Variants in PLD5 observed in about 807,000 individuals in gnomAD.
PLD5 encodes phospholipase D family member 5.
A neutral mutation model predicts 61.1 loss-of-function variants in PLD5; 36 were observed. That is an observed-to-expected ratio of 0.59 (90% CI 0.45 to 0.78). The LOEUF is 0.78. PLD5 is among the 30% of genes least tolerant of loss of function. The pLI is 0.00. For synonymous variants in PLD5, 243 were observed against 242.8 expected (o/e 1.00, Z -0.01); for missense variants, 515 against 644.4 (o/e 0.80, Z 2.17).
chr1:242,469,424 C>A (rs1667373250), intron 1 of PLD5, among the ~76,000 whole-genome samples: 2 of 152,120 alleles, frequency 1.3e-5, no homozygotes. Flanking sequence ...TATTTATTGT[C>A]CACTTGTATT....
intron 4 of PLD5, among the ~76,000 whole-genome samples, chr1:242,253,305 CT>C (rs1181235404): frequency 0.46 from 32,468 of 70,594 alleles, 7,536 homozygotes; most frequent in South Asian, 0.63. Flanking sequence ...CCTCTCTTCA[CT>C]TTTTTTTTTT....
At chr1:242,216,941 A>G (rs1414320509) in intron 5 of PLD5, among the ~76,000 whole-genome samples, 1 of 152,232 alleles carries the variant, frequency 6.6e-6, no homozygotes. Flanking sequence ...ACCCTTAAGA[A>G]TTATGCTAAA....
intron 1 of PLD5, among the ~76,000 whole-genome samples, chr1:242,430,590 C>T (rs1665664543): frequency 6.6e-6 from 1 of 152,156 alleles, no homozygotes; most frequent in African/African-American, 2.4e-5. Context: ...TGCCATCCAC[C>T]CCTTACTCCT....
intron 5 of PLD5, among the ~76,000 whole-genome samples, chr1:242,170,447 G>A (rs1482730824): frequency 6.6e-6 from 1 of 152,144 alleles, no homozygotes; most frequent in African/African-American, 2.4e-5. Flanking sequence ...CATGAAGATG[G>A]GGAGAAACCA....
At chr1:242,380,072 A>G (rs1443648790) in intron 1 of PLD5, among the ~76,000 whole-genome samples, 1 of 152,222 alleles carries the variant, frequency 6.6e-6, no homozygotes, top group African/African-American at 2.4e-5. Flanking sequence ...TTAGAATACC[A>G]GGGCATTTGG....
chr1:242,259,045 C>G (rs1485397416), intron 4 of PLD5, among the ~76,000 whole-genome samples: 4 of 152,114 alleles, frequency 2.6e-5, no homozygotes, highest in Admixed American at 6.5e-5. Context: ...AGTCAAGAAG[C>G]AATTGTTGGA....
intron 5 of PLD5, chr1:242,210,783 C>T (rs568280854): frequency 6.6e-6 from 1 of 152,206 alleles, no homozygotes; most frequent in African/African-American, 2.4e-5. Context: ...TCTTTTTGGA[C>T]TCAGCCTGCC....
chr1:242,089,338 AG>A lies in PLD5; in HGVS notation c.*515del. The A allele has an allele frequency of 2.5e-6, 1 of 400,296 alleles. No individual in the cohort carries two copies. The highest frequency in any genetic ancestry group is 4.4e-6 in the Non-Finnish European group (1 of 227,226). 24.8% of individuals were successfully genotyped at this position (400,296 alleles called of 1,614,324 possible). A position where few individuals can be genotyped will look rare whatever the true frequency, so the allele number is the denominator to read the frequency against. On this transcript the variant is annotated 3_prime_UTR_variant, in exon 10 of 10. Coordinates refer to ENST00000536534, the MANE Select transcript of PLD5 (RefSeq NM_001372062.1). The stretch of plus-strand genomic sequence containing the variant: ...GCAAGACAGAAAAGGATATTTTTCA[AG>A]GGTGTTGAAGGCTGGCATGAGATGT...
intron 5 of PLD5, among the ~76,000 whole-genome samples, chr1:242,136,497 T>C (rs532729478): frequency 1.4e-4 from 21 of 152,256 alleles, no homozygotes; most frequent in Middle Eastern, 3.4e-3. Context: ...GTTTGAGAAA[T>C]TGATATTCTA....
At chr1:242,250,107 CTGATTT>C (rs1672617825) in intron 4 of PLD5, among the ~76,000 whole-genome samples, 1 of 152,154 alleles carries the variant, frequency 6.6e-6, no homozygotes, top group South Asian at 2.1e-4. Context: ...TCTAAATCTC[CTGATTT>C]TAAATTCAGT....
intron 9 of PLD5, among the ~76,000 whole-genome samples, chr1:242,097,185 T>C (rs1293785362): frequency 6.6e-6 from 1 of 152,218 alleles, no homozygotes; most frequent in Non-Finnish European, 1.5e-5. Context: ...GTCTTTGCTA[T>C]TGTGAATAGT....
intron 1 of PLD5, among the ~76,000 whole-genome samples, chr1:242,435,435 A>C (rs1665946915): frequency 1.3e-5 from 2 of 149,350 alleles, no homozygotes; most frequent in Admixed American, 6.6e-5. Context: ...ACTGTTTAAA[A>C]TGCCCCCCAG....
chr1:242,473,184 C>T (rs182943066), intron 1 of PLD5, among the ~76,000 whole-genome samples: 3 of 152,114 alleles, frequency 2.0e-5, no homozygotes, highest in Admixed American at 6.5e-5. Context: ...AGTTCCCAAA[C>T]CTAGATTTAA....
At chr1:242,522,489 C>A (rs1242131692) in intron 1 of PLD5, among the ~76,000 whole-genome samples, 2 of 152,218 alleles carry the variant, frequency 1.3e-5, no homozygotes, top group Non-Finnish European at 2.9e-5. Context: ...TAGAAGGCTG[C>A]ACCACTGATT....
intron 1 of PLD5, among the ~76,000 whole-genome samples, chr1:242,382,881 T>C (rs1275462018): frequency 6.6e-6 from 1 of 152,228 alleles, no homozygotes; most frequent in Non-Finnish European, 1.5e-5. Flanking sequence ...AGGTTTTACA[T>C]CTCTTCTGTT....
intron 2 of PLD5, among the ~76,000 whole-genome samples, chr1:242,304,870 G>A (rs1574700582): frequency 6.6e-6 from 1 of 152,154 alleles, no homozygotes; most frequent in East Asian, 1.9e-4. Context: ...TTGGGAGGCA[G>A]AAGTGGGCAG....
At chr1:242,311,096 A>T (rs1676671910) in intron 2 of PLD5, among the ~76,000 whole-genome samples, 1 of 152,216 alleles carries the variant, frequency 6.6e-6, no homozygotes, top group Non-Finnish European at 1.5e-5. Flanking sequence ...AAACACAATC[A>T]TACCCTTACA....
intron 1 of PLD5, among the ~76,000 whole-genome samples, chr1:242,451,782 A>G (rs773724969): frequency 6.6e-6 from 1 of 151,968 alleles, no homozygotes; most frequent in Non-Finnish European, 1.5e-5. Context: ...ATGGCAACCT[A>G]CTGGCTGTAA....
chr1:242,134,652 T>C (rs1015550245), intron 5 of PLD5, among the ~76,000 whole-genome samples: 1 of 152,232 alleles, frequency 6.6e-6, no homozygotes, highest in Non-Finnish European at 1.5e-5. Flanking sequence ...TTTACTTCTG[T>C]GTGTTGCTTC....
Sources: allele counts gnomAD v4.1 joint callset (sites outside exome capture counted in the v4.1 genomes callset), GRCh38; gene constraint gnomAD v4.1.1; transcripts MANE v1.5; gene names NCBI Gene and HGNC (gene_info 2026-07-23, HGNC 2026-07-21).